Variants in RGS7 observed in about 807,000 individuals in gnomAD.
RGS7 encodes the protein regulator of G-protein signaling 7.
In RGS7, 27 loss-of-function variants were observed where a neutral mutation model predicts 81.1. The ratio of observed to expected loss-of-function variants is 0.33; its 90% CI spans 0.25 to 0.46. The LOEUF is 0.46. Among genes scored for constraint, RGS7 ranks in the 20% least tolerant of loss-of-function variants. The pLI, the probability that RGS7 is intolerant of heterozygous loss-of-function variation, is 1.00. For synonymous variants in RGS7, 208 were observed against 207.7 expected, an observed-to-expected ratio of 1.00 and a Z score of -0.01; for missense variants, 396 against 607.4, an observed-to-expected ratio of 0.65 and a Z score of 3.66.
intron 9 of RGS7, among the ~76,000 whole-genome samples, chr1:240,851,798 T>A (rs981741933): frequency 6.6e-6 from 1 of 152,148 alleles, no homozygotes; most frequent in Non-Finnish European, 1.5e-5. Flanking sequence ...GCAGATGTGG[T>A]GGAAATAGCG....
rs2081618543 is a variant in RGS7 at position 241,327,121 on chromosome 1, AGAAAGAAAGAAAGAAAGAAAGAAAG to A, written c.78+28553_78+28577del. 9.9e-5 allele frequency among the ~76,000 whole-genome samples: 11 copies of A among 111,566 alleles called. 1 individual carries two copies. Among genetic ancestry groups the A allele is most frequent in the African/African-American group, 2.7e-4 (8 of 29,184 alleles). The allele number at this position is 111,566 out of a possible 152,430, so 73.2% of individuals were successfully genotyped here. On this transcript the variant is annotated intron_variant, in intron 2 of 18. Coordinates refer to ENST00000440928, the MANE Select transcript of RGS7 (RefSeq NM_001364886.1). ...AAGAAAGAAAGAAAGAAAGAAAGAA[AGAAAGAAAGAAAGAAAGAAAGAAAG>A]GAAAGAAAGAAAGAAAGAAACACAC...
chr1:240,940,061 C>A (rs1677323977), intron 4 of RGS7, among the ~76,000 whole-genome samples: 1 of 151,960 alleles, frequency 6.6e-6, no homozygotes, highest in African/African-American at 2.4e-5. Context: ...GCCTGGGCGA[C>A]AGAACAACAC....
chr1:241,303,042 T>C (rs2079868052), intron 2 of RGS7, among the ~76,000 whole-genome samples: 2 of 145,508 alleles, frequency 1.4e-5, no homozygotes, highest in Admixed American at 6.7e-5. Context: ...AGGGAGTGTA[T>C]ACACCATGAA....
chr1:240,932,512 A>ATTTTTTTTTT (rs1388590625), intron 5 of RGS7, among the ~76,000 whole-genome samples: 4 of 16,082 alleles, frequency 2.5e-4, no homozygotes, highest in Non-Finnish European at 3.2e-4. Context: ...GTAGGGTGTC[A>ATTTTTTTTTT]CTTTTTTTTT....
intron 2 of RGS7, among the ~76,000 whole-genome samples, chr1:241,099,174 G>C (rs1196496530): frequency 6.6e-6 from 1 of 152,162 alleles, no homozygotes; most frequent in African/African-American, 2.4e-5. Flanking sequence ...TGCTTGAATT[G>C]CTTCTTCAAG....
At chr1:241,048,696 T>C (rs1420274759) in intron 3 of RGS7, among the ~76,000 whole-genome samples, 2 of 152,216 alleles carry the variant, frequency 1.3e-5, no homozygotes, top group Non-Finnish European at 2.9e-5. Flanking sequence ...CTCCTGAGGA[T>C]GGCATATGTA....
chr1:241,034,640 T>C (rs2148742312), intron 3 of RGS7, among the ~76,000 whole-genome samples: 1 of 152,344 alleles, frequency 6.6e-6, no homozygotes, highest in South Asian at 2.1e-4. Flanking sequence ...GCTCTAAAAG[T>C]ATGCTGGTTA....
At chr1:241,101,139 T>C (rs2064706140) in intron 2 of RGS7, among the ~76,000 whole-genome samples, 1 of 152,230 alleles carries the variant, frequency 6.6e-6, no homozygotes, top group African/African-American at 2.4e-5. Flanking sequence ...CAGGGTGATG[T>C]TGTGACCCCT....
chr1:240,856,217 T>A (rs1378427240), intron 9 of RGS7, among the ~76,000 whole-genome samples: 2 of 152,214 alleles, frequency 1.3e-5, no homozygotes, highest in African/African-American at 4.8e-5. Context: ...TCTTTATGCG[T>A]GAAAAGTTCT....
intron 6 of RGS7, among the ~76,000 whole-genome samples, chr1:240,916,784 C>T (rs1217039493): frequency 6.6e-6 from 1 of 152,176 alleles, no homozygotes; most frequent in Non-Finnish European, 1.5e-5. Flanking sequence ...AGCCAGAGCA[C>T]TTCTACCCTC....
At chr1:240,779,506 G>T (rs1046507636) in intron 18 of RGS7, among the ~76,000 whole-genome samples, 1 of 152,022 alleles carries the variant, frequency 6.6e-6, no homozygotes, top group African/African-American at 2.4e-5. Flanking sequence ...CTCCCACCAG[G>T]TGAGGACACA....
intron 2 of RGS7, among the ~76,000 whole-genome samples, chr1:241,226,320 AGAG>A (rs1471080607): frequency 1.3e-5 from 2 of 152,012 alleles, no homozygotes; most frequent in African/African-American, 4.8e-5. Flanking sequence ...GCAACGTTTG[AGAG>A]GAGGCTGGAA....
At chr1:240,881,680 C>G (rs1040262335) in intron 6 of RGS7, among the ~76,000 whole-genome samples, 1 of 152,044 alleles carries the variant, frequency 6.6e-6, no homozygotes, top group Admixed American at 6.6e-5. Context: ...TATGACTCAA[C>G]AGCAACTGAA....
intron 2 of RGS7, among the ~76,000 whole-genome samples, chr1:241,321,836 C>T (rs565096076): frequency 6.6e-6 from 1 of 152,178 alleles, no homozygotes; most frequent in Non-Finnish European, 1.5e-5. Flanking sequence ...GTATAATTCT[C>T]ACTCATTAGT....
intron 9 of RGS7, among the ~76,000 whole-genome samples, chr1:240,859,440 G>GTTTTTTTTTTTTTTTTTTTTTTTTTCT (rs5782167): frequency 3.6e-5 from 4 of 110,828 alleles, no homozygotes; most frequent in Non-Finnish European, 7.3e-5. Flanking sequence ...TTTCTTTCCT[G>GTTTTTTTTTTTTTTTTTTTTTTTTTCT]TTTTTTTTTT....
rs61579610 is a variant in RGS7 at position 241,326,166 on chromosome 1, C to T, written c.78+29533G>A. Among the ~76,000 whole-genome samples, 553 of 152,228 alleles carry T rather than the reference C, an allele frequency of 3.6e-3. 5 individuals carry two copies. The highest frequency in any genetic ancestry group is 0.013 in the African/African-American group (523 of 41,522). On this transcript the variant is annotated intron_variant, in intron 2 of 18. Transcript: ENST00000440928. ...GAGGTGTCTCTAGGAACTTCATCTC[C>T]GGTTTCACTACTAATTGGAAAATAC... is the stretch of plus-strand genomic sequence containing the variant.
chr1:240,974,600 T>C (rs780794259), intron 4 of RGS7, among the ~76,000 whole-genome samples: 1 of 152,102 alleles, frequency 6.6e-6, no homozygotes, highest in Non-Finnish European at 1.5e-5. Flanking sequence ...ATAAAAAATA[T>C]AAGATAATTA....
chr1:241,026,495 A>G (rs2059791445), intron 3 of RGS7, among the ~76,000 whole-genome samples: 1 of 152,044 alleles, frequency 6.6e-6, no homozygotes, highest in South Asian at 2.1e-4. Context: ...AGGCTGAGGC[A>G]CAAGAATCGC....
At chr1:241,172,448 G>A (rs927611850) in intron 2 of RGS7, among the ~76,000 whole-genome samples, 3 of 152,128 alleles carry the variant, frequency 2.0e-5, no homozygotes, top group East Asian at 3.9e-4. Flanking sequence ...TAGCTAACAG[G>A]ACTAGGAGGG....
Sources: gnomAD v4.1 joint callset for allele counts (sites outside exome capture counted in the v4.1 genomes callset) on GRCh38, gnomAD v4.1.1 for gene constraint, MANE v1.5 for transcripts, NCBI Gene and HGNC (gene_info 2026-07-23, HGNC 2026-07-21) for gene names.